The following FER variants were observed in gnomAD, a reference collection of about 807,000 sequenced individuals.
FER encodes the protein FER tyrosine kinase, also known as tyrosine-protein kinase Fer.
In FER, 63 loss-of-function variants were observed where a neutral mutation model predicts 111.0. That is an observed-to-expected ratio of 0.57 (90% CI 0.46 to 0.70). The LOEUF is 0.70. FER is among the 30% of genes least tolerant of loss of function. The pLI is 0.00. For synonymous variants in FER, 327 were observed against 313.9 expected, an observed-to-expected ratio of 1.04 and a Z score of -0.44; for missense variants, 914 against 954.0, an observed-to-expected ratio of 0.96 and a Z score of 0.55.
At chr5:109,062,762 T>G (rs141310428) in intron 16 of FER, among the ~76,000 whole-genome samples, 2 of 152,164 alleles carry the variant, frequency 1.3e-5, no homozygotes, top group South Asian at 2.1e-4. Context: ...ACTTTTTCTT[T>G]CCCTAGGGAT....
chr5:108,844,324 C>T (rs1231225874), intron 5 of FER, among the ~76,000 whole-genome samples: 12 of 152,058 alleles, frequency 7.9e-5, no homozygotes, highest in Admixed American at 6.6e-4. Flanking sequence ...CTTTGATACA[C>T]TAAAAAAATT....
intron 5 of FER, among the ~76,000 whole-genome samples, chr5:108,858,556 T>C (rs1335207782): frequency 6.6e-6 from 1 of 152,150 alleles, no homozygotes; most frequent in African/African-American, 2.4e-5. Context: ...CTCCCTCTTA[T>C]CCTTGTTAAT....
At chr5:108,819,570 G>T (rs902715651) in intron 3 of FER, among the ~76,000 whole-genome samples, 3 of 152,158 alleles carry the variant, frequency 2.0e-5, no homozygotes, top group African/African-American at 4.8e-5. Context: ...AATAAGAGAA[G>T]GCCTGCTGCG....
chr5:108,905,181 C>T (rs1334067683), intron 10 of FER, among the ~76,000 whole-genome samples: 1 of 151,960 alleles, frequency 6.6e-6, no homozygotes, highest in Admixed American at 6.6e-5. Flanking sequence ...GCCACAGTAT[C>T]TTCAGTATCA....
At chr5:108,897,536 T>A (rs1413226601) in intron 9 of FER, 123 bp from the exon 10 acceptor site, 1 of 673,820 alleles carries the variant, frequency 1.5e-6, no homozygotes, top group Non-Finnish European at 2.3e-6. Context: ...TAGTTTCATA[T>A]TTTTTATGAT....
Position 108,925,997 on chromosome 5 carries a change from A to C in FER, c.1237-20133A>C, listed in dbSNP as rs542241569. On this transcript the variant is annotated intron_variant, in intron 10 of 19. Coordinates refer to ENST00000281092, the MANE Select transcript of FER (RefSeq NM_005246.4). Reference sequence around the variant, plus strand: ...GCATAACTTAAATTTTTTTAACTTTAAAAAAGTCTCGCTTTCTTGTTACCC... The same window carrying C: ...GCATAACTTAAATTTTTTTAACTTTCAAAAAGTCTCGCTTTCTTGTTACCC... Among the ~76,000 whole-genome samples the C allele has an allele frequency of 4.8e-4, 73 of 152,042 alleles. 1 individual carries two copies. Among genetic ancestry groups the C allele is most frequent in the African/African-American group, 1.6e-3 (67 of 41,548 alleles).
intron 17 of FER, among the ~76,000 whole-genome samples, chr5:109,176,911 C>T (rs1757761454): frequency 2.0e-5 from 3 of 152,004 alleles, no homozygotes; most frequent in Non-Finnish European, 2.9e-5. Context: ...GAATAAATGT[C>T]AGAACAAGAA....
intron 16 of FER, among the ~76,000 whole-genome samples, chr5:109,077,082 T>A (rs577522439): frequency 1.2e-4 from 18 of 152,342 alleles, no homozygotes; most frequent in African/African-American, 2.6e-4. Context: ...CTTGACTGCC[T>A]TTTATACACT....
At chr5:108,762,697 T>C (rs1437281951) in intron 1 of FER, among the ~76,000 whole-genome samples, 2 of 152,182 alleles carry the variant, frequency 1.3e-5, no homozygotes, top group East Asian at 3.9e-4. Flanking sequence ...GTGGTTCTGT[T>C]CTCCCTCCCT....
intron 16 of FER, among the ~76,000 whole-genome samples, chr5:109,049,054 A>T (rs1772386421): frequency 6.6e-6 from 1 of 152,232 alleles, no homozygotes; most frequent in South Asian, 2.1e-4. Flanking sequence ...GACTCACTGT[A>T]AGAATCATTT....
intron 3 of FER, among the ~76,000 whole-genome samples, chr5:108,810,721 G>A (rs1313277928): frequency 6.6e-6 from 1 of 152,206 alleles, no homozygotes; most frequent in Non-Finnish European, 1.5e-5. Flanking sequence ...CTGCTTTGGT[G>A]TTGAGCAGAG....
At chr5:108,981,761 G>A (rs1348962327) in intron 13 of FER, among the ~76,000 whole-genome samples, 1 of 152,066 alleles carries the variant, frequency 6.6e-6, no homozygotes, top group Admixed American at 6.6e-5. Context: ...TACATAATTT[G>A]TTCAAGACTG....
intron 17 of FER, among the ~76,000 whole-genome samples, chr5:109,125,764 GT>G (rs1751634140): frequency 6.6e-6 from 1 of 152,120 alleles, no homozygotes; most frequent in South Asian, 2.1e-4. Flanking sequence ...ATTCCCAAGT[GT>G]TTTATTTTGT....
chr5:108,993,622 C>A (rs554692131), intron 13 of FER, among the ~76,000 whole-genome samples: 1 of 106,360 alleles, frequency 9.4e-6, no homozygotes, highest in Non-Finnish European at 2.1e-5. Flanking sequence ...AGGGCAAGGG[C>A]GAGGGCGAGG....
intron 10 of FER, among the ~76,000 whole-genome samples, chr5:108,931,962 TTGTGTGTG>T (rs571366890): frequency 3.3e-5 from 5 of 150,696 alleles, no homozygotes; most frequent in Non-Finnish European, 7.4e-5. Context: ...ATCTTAAATT[TTGTGTGTG>T]TGTGTGTGTG....
intron 16 of FER, among the ~76,000 whole-genome samples, chr5:109,087,082 C>T (rs931542499): frequency 6.0e-5 from 9 of 150,512 alleles, no homozygotes; most frequent in Non-Finnish European, 1.2e-4. Flanking sequence ...TTCTGAGGTA[C>T]TGAGGGTTAG....
At position 109,147,790 on chromosome 5, in the gene FER, TATATATATATAGAGAGAGAGAG is replaced by T. The variant is rs1354492135; in HGVS notation, c.2049-32955_2049-32934del. Among the ~76,000 whole-genome samples the T allele has an allele frequency of 9.0e-5, 12 of 133,088 alleles. No individual in the cohort carries two copies. In the South Asian group the frequency reaches 3.0e-3, roughly 33 times the overall value. 87.3% of individuals were successfully genotyped at this position (133,088 alleles called of 152,430 possible). A position where few individuals can be genotyped will look rare whatever the true frequency, so the allele number is the denominator to read the frequency against. ...ACACACACACACATACATATATATATATATATATATAGAGAGAGAGAGAGAGAGAGAGAGAGACAGAGACAGA... is the reference window on the plus strand; with the variant it reads ...ACACACACACACATACATATATATATAGAGAGAGAGAGAGACAGAGACAGA... On this transcript the variant is annotated intron_variant, in intron 17 of 19. Coordinates refer to ENST00000281092, the MANE Select transcript of FER (RefSeq NM_005246.4).
At chr5:108,924,776 T>C in intron 10 of FER, 1 of 1,232,010 alleles carries the variant, frequency 8.1e-7, no homozygotes, top group Non-Finnish European at 1.0e-6. Context: ...ACATCAGAAG[T>C]CCACAGAGAT....
At chr5:109,058,734 T>C (rs1368018942) in intron 16 of FER, among the ~76,000 whole-genome samples, 5 of 128,616 alleles carry the variant, frequency 3.9e-5, no homozygotes, top group Non-Finnish European at 8.3e-5. Context: ...CTTTTTTTTT[T>C]TTTTTTTTTT....
Sources: gnomAD v4.1 joint callset for allele counts (sites outside exome capture counted in the v4.1 genomes callset) on GRCh38, gnomAD v4.1.1 for gene constraint, MANE v1.5 for transcripts, NCBI Gene and HGNC (gene_info 2026-07-23, HGNC 2026-07-21) for gene names.